Variants in PLOD2 observed in about 807,000 individuals in gnomAD.
PLOD2 encodes lysine hydroxylase 2.
Under a neutral mutation model 101.0 loss-of-function variants are expected in PLOD2, and 65 were observed. That is an observed-to-expected ratio of 0.64 (90% confidence interval 0.53 to 0.79). The LOEUF (loss-of-function observed/expected upper bound fraction) is 0.79, where lower values mean the gene tolerates loss of function less well. Ranked by LOEUF, PLOD2 falls within the 30% of genes least tolerant of loss-of-function variation. The probability of loss-of-function intolerance (pLI) is 0.00; values close to 1 mark genes in which losing one functional copy is unlikely to be tolerated. For missense variants in PLOD2, 909 were observed against 914.6 expected, an observed-to-expected ratio of 0.99 and a Z score of 0.08; for synonymous variants, 314 against 302.9, an observed-to-expected ratio of 1.04 and a Z score of -0.38.
At chr3:146,084,262 G>GTATC (rs937409645) in intron 11 of PLOD2, among the ~76,000 whole-genome samples, 1 of 151,930 alleles carries the variant, frequency 6.6e-6, no homozygotes, top group African/African-American at 2.4e-5. Context: ...TAGATACTGA[G>GTATC]TATCTATAAC....
intron 3 of PLOD2, among the ~76,000 whole-genome samples, chr3:146,111,899 A>G (rs6440418): frequency 0.97 from 146,805 of 152,082 alleles, 71,003 homozygotes; most frequent in Non-Finnish European, 0.99. Flanking sequence ...ATGGGTAATT[A>G]GGCCATGAGA....
intron 8 of PLOD2, among the ~76,000 whole-genome samples, chr3:146,089,288 C>G (rs938237007): frequency 3.3e-5 from 5 of 151,114 alleles, no homozygotes; most frequent in African/African-American, 9.7e-5. Flanking sequence ...TTCTTAAGTT[C>G]TCTTTAGATA....
chr3:146,083,469 G>T lies in PLOD2; in HGVS notation c.1233-1606C>A, dbSNP rs140025852. ...CTAGATACAGAAGCAAGAACCATAG[G>T]TATTACATAAACCTAAACCTTTGAT... On this transcript the variant is annotated intron_variant, in intron 11 of 19. Transcript: ENST00000282903. Among the ~76,000 whole-genome samples, 140 of 152,176 alleles carry T rather than the reference G, an allele frequency of 9.2e-4. 1 individual carries two copies. Among genetic ancestry groups the T allele is most frequent in the African/African-American group, 3.3e-3 (139 of 41,520 alleles).
intron 2 of PLOD2, among the ~76,000 whole-genome samples, chr3:146,123,086 T>C (rs1056631031): frequency 2.0e-5 from 3 of 152,176 alleles, no homozygotes; most frequent in African/African-American, 7.2e-5. Context: ...AGCTGTTTAT[T>C]AGCTGTTCTA....
At chr3:146,141,668 T>C (rs947765917) in intron 1 of PLOD2, among the ~76,000 whole-genome samples, 3 of 152,054 alleles carry the variant, frequency 2.0e-5, no homozygotes, top group Non-Finnish European at 4.4e-5. Flanking sequence ...CCCCAAATCC[T>C]AGTTGATACA....
Position 146,070,879 on chromosome 3 carries a change from A to T in PLOD2, c.2122-7T>A, listed in dbSNP as rs1213705246. 1 of 1,603,504 alleles carries T rather than the reference A, an allele frequency of 6.2e-7. No homozygotes were observed. Among genetic ancestry groups the T allele is most frequent in the Non-Finnish European group, 8.5e-7 (1 of 1,172,148 alleles). On this transcript the variant is annotated splice_polypyrimidine_tract_variant and splice_region_variant and intron_variant, in intron 19 of 19. Coordinates refer to ENST00000282903, the MANE Select transcript of PLOD2 (RefSeq NM_182943.3). ...GAAATTTGCAACCACCTCCCTAAAA[A>T]AGTTAAAATGAAGAAATACATCAGA... is the stretch of plus-strand genomic sequence containing the variant.
chr3:146,096,657 CG>C (rs915524327), intron 7 of PLOD2, among the ~76,000 whole-genome samples: 3 of 124,380 alleles, frequency 2.4e-5, no homozygotes, highest in African/African-American at 9.6e-5. Flanking sequence ...GCAACCGCCC[CG>C]TCTGAGAAGT....
chr3:146,096,698 G>A (rs1283396068), intron 7 of PLOD2, among the ~76,000 whole-genome samples: 5 of 143,534 alleles, frequency 3.5e-5, no homozygotes, highest in East Asian at 2.2e-4. Flanking sequence ...CAACCACCCT[G>A]TCTGGGAAGT....
At chr3:146,087,781 G>T (rs536602399) in intron 9 of PLOD2, among the ~76,000 whole-genome samples, 1 of 151,924 alleles carries the variant, frequency 6.6e-6, no homozygotes, top group East Asian at 1.9e-4. Context: ...ATACTTTAGT[G>T]AAAGTATATA....
At chr3:146,110,183 G>T in intron 4 of PLOD2, 102 bp downstream of exon 4, 1 of 970,906 alleles carries the variant, frequency 1.0e-6, no homozygotes, top group Non-Finnish European at 1.6e-6. Flanking sequence ...TAAAATAAGG[G>T]TTATTTAAAA....
At chr3:146,110,686 G>C (rs1937614206) in intron 3 of PLOD2, among the ~76,000 whole-genome samples, 1 of 152,008 alleles carries the variant, frequency 6.6e-6, no homozygotes, top group Non-Finnish European at 1.5e-5. Context: ...CTTTTTTAGT[G>C]TTAGCCTTAA....
chr3:146,139,424 T>C (rs2031411344), intron 1 of PLOD2, among the ~76,000 whole-genome samples: 1 of 152,122 alleles, frequency 6.6e-6, no homozygotes, highest in African/African-American at 2.4e-5. Flanking sequence ...TTCTAAACAA[T>C]AAGAATTCTA....
intron 7 of PLOD2, among the ~76,000 whole-genome samples, chr3:146,098,584 TATAA>T (rs1361180489): frequency 1.3e-5 from 2 of 152,094 alleles, no homozygotes; most frequent in Non-Finnish European, 2.9e-5. Flanking sequence ...GGGAGGGCAG[TATAA>T]ATGATTTTTA....
At chr3:146,122,252 A>G (rs2030213778) in intron 2 of PLOD2, among the ~76,000 whole-genome samples, 1 of 152,166 alleles carries the variant, frequency 6.6e-6, no homozygotes, top group Admixed American at 6.5e-5. Context: ...AAGAAAACTC[A>G]AGCTGTTTTG....
At chr3:146,090,569 C>T (rs1395239851) in intron 8 of PLOD2, among the ~76,000 whole-genome samples, 1 of 151,690 alleles carries the variant, frequency 6.6e-6, no homozygotes, top group Non-Finnish European at 1.5e-5. Flanking sequence ...TAAACATCTT[C>T]ATGATGCAGC....
chr3:146,116,801 G>A (rs1392003125), intron 3 of PLOD2, among the ~76,000 whole-genome samples: 1 of 152,030 alleles, frequency 6.6e-6, no homozygotes, highest in Admixed American at 6.6e-5. Flanking sequence ...CTTTTGTTCT[G>A]AGAATAACCT....
At chr3:146,141,192 C>A (rs1232137908) in intron 1 of PLOD2, among the ~76,000 whole-genome samples, 1 of 151,884 alleles carries the variant, frequency 6.6e-6, no homozygotes, top group Non-Finnish European at 1.5e-5. Context: ...TTAATTACAA[C>A]CCCAAAAAAG....
At chr3:146,119,846 T>C (rs1046007368) in intron 3 of PLOD2, among the ~76,000 whole-genome samples, 5 of 152,242 alleles carry the variant, frequency 3.3e-5, no homozygotes, top group African/African-American at 1.2e-4. Context: ...CTATCATTGT[T>C]GGACATCTGG....
Position 146,079,133 on chromosome 3 carries a change from G to A in PLOD2, c.1483C>T (p.Arg495Ter), listed in dbSNP as rs1436930576. Residue 495 changes from arginine (R) to a stop codon, truncating the protein, a stop_gained, in exon 13 of 20, where the codon CGA (arginine) becomes TGA (stop). Transcript: ENST00000282903. LOFTEE classifies it high-confidence loss of function. Reference protein sequence around the residue: ...DKLDPDMALCRNAREMTLQRE... With the variant: ...DKLDPDMALC ...TATCTTACCATTTCTCTAGCATTTCGGCAAAGAGCCATATCAGGATCCAGT... is the reference window on the plus strand; with the variant it reads ...TATCTTACCATTTCTCTAGCATTTCAGCAAAGAGCCATATCAGGATCCAGT... 4.0e-5 allele frequency: 64 copies of A among 1,612,476 alleles called. No individual in the cohort carries two copies. The highest frequency in any genetic ancestry group is 5.4e-5 in the Non-Finnish European group (64 of 1,178,900).
Sources: gnomAD v4.1 joint callset for allele counts (sites outside exome capture counted in the v4.1 genomes callset) on GRCh38, gnomAD v4.1.1 for gene constraint, MANE v1.5 for transcripts, NCBI Gene and HGNC (gene_info 2026-07-23, HGNC 2026-07-21) for gene names.